CMYA5: variants seen among roughly 807,000 people sequenced by gnomAD.
CMYA5 encodes the protein cardiomyopathy-associated protein 5.
In CMYA5, 246 loss-of-function variants were observed where a neutral mutation model predicts 318.9. The ratio of observed to expected loss-of-function variants is 0.77; its 90% CI spans 0.70 to 0.86. CMYA5 has a LOEUF of 0.86. Ranked by LOEUF, CMYA5 falls within the 40% of genes least tolerant of loss-of-function variation. The pLI, the probability that CMYA5 is intolerant of heterozygous loss-of-function variation, is 0.00. For missense variants in CMYA5, 4,589 were observed against 4,678.2 expected (o/e 0.98, Z 0.56); for synonymous variants, 1,641 against 1,729.5 (o/e 0.95, Z 1.27).
chr5:79,746,941 T>A (rs2151091025), intron 4 of CMYA5, 150 bp from the exon 5 acceptor site: 3 of 365,916 alleles, frequency 8.2e-6, no homozygotes, highest in Non-Finnish European at 1.5e-5. Flanking sequence ...AAAAACAACC[T>A]CAGGGAAGCT....
At position 79,732,116 on chromosome 5, in the gene CMYA5, A is replaced by G; in HGVS notation, c.3351A>G (p.Ala1117=). 6.2e-7 allele frequency: 1 copy of G among 1,613,950 alleles called. No homozygotes were observed. Residue 1117 remains alanine (A), a synonymous_variant, in exon 2 of 13, where the codon GCA becomes GCG. Transcript: ENST00000446378. The part of the protein sequence containing the change: ...LILAQKQKTQ[A]YLEPESEDLI... ...TGGCACAGAAGCAGAAAACTCAAGCATATTTAGAGCCTGAGTCTGAAGACT... is the reference window on the plus strand; with the variant it reads ...TGGCACAGAAGCAGAAAACTCAAGCGTATTTAGAGCCTGAGTCTGAAGACT...
chr5:79,788,629 T>A (rs1479826228), intron 9 of CMYA5, among the ~76,000 whole-genome samples: 1 of 152,224 alleles, frequency 6.6e-6, no homozygotes, highest in African/African-American at 2.4e-5. Flanking sequence ...TAATATCATC[T>A]TAATCCAAAA....
At chr5:79,753,683 G>C (rs1828474714) in intron 6 of CMYA5, among the ~76,000 whole-genome samples, 1 of 144,942 alleles carries the variant, frequency 6.9e-6, no homozygotes, top group Non-Finnish European at 1.5e-5. Flanking sequence ...CCTGTACAAA[G>C]AGTTTTAATT....
At chr5:79,696,670 A>G (rs1379941053) in intron 1 of CMYA5, among the ~76,000 whole-genome samples, 1 of 152,174 alleles carries the variant, frequency 6.6e-6, no homozygotes, top group Non-Finnish European at 1.5e-5. Context: ...GGGCACTTAA[A>G]TTGTTGGTTT....
chr5:79,767,470 T>C (rs10079452), intron 9 of CMYA5, among the ~76,000 whole-genome samples: 16,574 of 152,248 alleles, frequency 0.11, 1,190 homozygotes, highest in East Asian at 0.31. Flanking sequence ...AAACACTGCT[T>C]TAGCTGTGTC....
In CMYA5 at chr5:79,745,433, TTGA is replaced by T. The variant is rs1171274239; in HGVS notation, c.10950_10952del (p.Asp3650del). 6.2e-7 allele frequency: 1 copy of T among 1,613,898 alleles called. No homozygotes were observed. Among genetic ancestry groups the T allele is most frequent in the Non-Finnish European group, 8.5e-7 (1 of 1,179,806 alleles). On this transcript the variant is annotated inframe_deletion, in exon 4 of 13. Transcript: ENST00000446378. The stretch of plus-strand genomic sequence containing the variant: ...ACCATCGTGAGAGAAGCAGAGGAGC[TTGA>T]TGAGGCCGTCTTCCTGACTGTAAGT...
chr5:79,729,084 T>C lies in CMYA5; in HGVS notation c.319T>C (p.Cys107Arg). ...ASEESQTSGV[C>R]SREGSTVNSP... ...AGAAGAAAGTCAGACTTCTGGTGTG[T>C]GTAGTCGGGAAGGGTCAACTGTGAA... Residue 107 changes from cysteine to arginine, a missense_variant, in exon 2 of 13, where the codon TGT (cysteine) becomes CGT (arginine). Around this residue, in one of 3 missense-constraint regions of CMYA5, gnomAD observed 2,132 missense variants for 2,131.3 expected, o/e 1.00. Coordinates refer to ENST00000446378, the MANE Select transcript of CMYA5 (RefSeq NM_153610.5). The C allele has an allele frequency of 6.2e-7, 1 of 1,613,914 alleles. No individual in the cohort carries two copies.
Position 79,738,592 on chromosome 5 carries a change from T to G in CMYA5, c.9827T>G (p.Ile3276Arg). 6.2e-7 allele frequency: 1 copy of G among 1,613,674 alleles called. No individual in the cohort carries two copies. Reference protein sequence around the residue: ...RVGKDDSYQPIAAEGEIWGKF... With the variant: ...RVGKDDSYQPRAAEGEIWGKF... ...GGTAAGGATGATTCATACCAACCGA[T>G]AGCTGCAGAAGGGGAAATTTGGGGA... is the stretch of plus-strand genomic sequence containing the variant. The change falls in exon 2 of 13, where the codon ATA (isoleucine) becomes AGA (arginine). Residue 3276 changes from isoleucine to arginine, a missense_variant. By Grantham distance (97) the Ile-to-Arg change is moderately conservative. Around this residue, in one of 3 missense-constraint regions of CMYA5, gnomAD observed 2,431 missense variants for 2,495.1 expected, o/e 0.97. Transcript: ENST00000446378.
At chr5:79,769,357 C>G (rs952930375) in intron 9 of CMYA5, among the ~76,000 whole-genome samples, 2 of 151,968 alleles carry the variant, frequency 1.3e-5, no homozygotes, top group East Asian at 3.9e-4. Context: ...GACTTATGAT[C>G]CTTTAAAGGA....
At chr5:79,725,862 A>C (rs75554830) in intron 1 of CMYA5, among the ~76,000 whole-genome samples, 13,739 of 152,084 alleles carry the variant, frequency 0.09, 1,000 homozygotes, top group East Asian at 0.4. Context: ...CAAGACTGCA[A>C]CCCTGCACTC....
rs554982635 is a variant in CMYA5 at position 79,786,966 on chromosome 5, C to T, written c.11556-2005C>T. 1.2e-4 allele frequency among the ~76,000 whole-genome samples: 18 copies of T among 152,226 alleles called. No homozygotes were observed. The East Asian group carries it at 3.1e-3, about 26-fold the overall frequency. ...CCTGTTTCATGCACTGAAAGCAGGACGGATCCCATATTTTGACTTCAGTAC... is the reference window on the plus strand; with the variant it reads ...CCTGTTTCATGCACTGAAAGCAGGATGGATCCCATATTTTGACTTCAGTAC... On this transcript the variant is annotated intron_variant, in intron 9 of 12. Coordinates refer to ENST00000446378, the MANE Select transcript of CMYA5 (RefSeq NM_153610.5).
At chr5:79,744,944 G>C (rs1828286505) in intron 3 of CMYA5, among the ~76,000 whole-genome samples, 1 of 152,194 alleles carries the variant, frequency 6.6e-6, no homozygotes, top group East Asian at 1.9e-4. Context: ...TGTGAGTGCA[G>C]GTGGGCAAGA....
chr5:79,799,043 G>A (rs1340554736), intron 12 of CMYA5, among the ~76,000 whole-genome samples: 1 of 152,166 alleles, frequency 6.6e-6, no homozygotes, highest in Non-Finnish European at 1.5e-5. Flanking sequence ...AGAATGACAC[G>A]CCATGAATGC....
chr5:79,704,858 C>A (rs1211989343), intron 1 of CMYA5, among the ~76,000 whole-genome samples: 1 of 152,184 alleles, frequency 6.6e-6, no homozygotes, highest in African/African-American at 2.4e-5. Flanking sequence ...GCCCCTGGAA[C>A]CTATGAGAAG....
intron 9 of CMYA5, among the ~76,000 whole-genome samples, chr5:79,764,836 G>GT (rs1561224205): frequency 1.3e-5 from 2 of 151,544 alleles, no homozygotes; most frequent in African/African-American, 2.4e-5. Context: ...TTTTTGATGG[G>GT]GTTTTTTTTT....
intron 1 of CMYA5, among the ~76,000 whole-genome samples, chr5:79,700,861 C>T (rs1412238111): frequency 6.6e-6 from 1 of 151,982 alleles, no homozygotes; most frequent in African/African-American, 2.4e-5. Flanking sequence ...AAGTAGATCT[C>T]ATGAAGATAG....
Position 79,734,529 on chromosome 5 carries a change from A to G in CMYA5, c.5764A>G (p.Asn1922Asp). The G allele has an allele frequency of 6.2e-7, 1 of 1,613,836 alleles. No homozygotes were observed. Residue 1922 changes from asparagine to aspartate, a missense_variant, in exon 2 of 13, where the codon AAT becomes GAT. Asn to Asp is a conservative substitution (Grantham distance 23). Transcript: ENST00000446378. ...TGTGCAGCTGGATTCCTCTAGCAGC[A>G]ATGAGCTGAGGCCAGGGCAGCTCAA... ...GSVQLDSSSS[N>D]ELRPGQLKAA... is the part of the protein sequence containing the mutation.
Position 79,733,912 on chromosome 5 carries a change from T to C in CMYA5, c.5147T>C (p.Phe1716Ser). The C allele has an allele frequency of 6.2e-7, 1 of 1,613,022 alleles. No homozygotes were observed. ...TCTCAGAATGAAGAAATTAAACCTT[T>C]CTCTCCCAAGATCATCAGCCTAGAG... Reference protein sequence around the residue: ...EESQNEEIKPFSPKIISLESK... With the variant: ...EESQNEEIKPSSPKIISLESK... The change falls in exon 2 of 13, where the codon TTC (phenylalanine) becomes TCC (serine). Residue 1716 changes from phenylalanine to serine, a missense_variant. Physicochemically the swap from Phe to Ser is radical, Grantham distance 155. Transcript: ENST00000446378.
chr5:79,756,759 C>T (rs1828538056), intron 6 of CMYA5, among the ~76,000 whole-genome samples: 1 of 152,098 alleles, frequency 6.6e-6, no homozygotes, highest in Non-Finnish European at 1.5e-5. Flanking sequence ...CTGAACTGAT[C>T]TTTATTTTTC....
Sources: gnomAD v4.1 joint callset for allele counts (sites outside exome capture counted in the v4.1 genomes callset) on GRCh38, gnomAD v4.1.1 for gene constraint, gnomAD v4.1.1 regional missense constraint, MANE v1.5 for transcripts, NCBI Gene and HGNC (gene_info 2026-07-23, HGNC 2026-07-21) for gene names.